Variants in HS6ST2 observed in about 807,000 individuals in gnomAD.
HS6ST2 encodes heparan sulfate 6-O-sulfotransferase 2, also known as heparan-sulfate 6-O-sulfotransferase 2.
HS6ST2 carries 17 observed loss-of-function variants against 33.0 expected under a neutral mutation model. That is an observed-to-expected ratio of 0.52 (90% CI 0.35 to 0.77). The LOEUF (loss-of-function observed/expected upper bound fraction) is 0.77. Ranked by LOEUF, HS6ST2 falls within the 30% of genes least tolerant of loss-of-function variation. The pLI is 0.01. For missense variants in HS6ST2, 519 were observed against 551.7 expected (o/e 0.94, Z 0.59); for synonymous variants, 248 against 237.1 (o/e 1.05, Z -0.42).
At chrX:132,744,469 A>T (rs1285313380) in intron 2 of HS6ST2, among the ~76,000 whole-genome samples, 1 of 112,128 alleles carries the variant, frequency 8.9e-6, no homozygotes, top group Non-Finnish European at 1.9e-5. Flanking sequence ...TTTTACTCAA[A>T]TGTGGTTCCA....
At position 132,790,920 on chromosome X, in the gene HS6ST2, T is replaced by C. The variant is rs762797134; in HGVS notation, c.948-82426A>G. 2.0e-3 allele frequency among the ~76,000 whole-genome samples: 219 copies of C among 111,295 alleles called. 3 individuals are homozygous for C. The highest frequency in any genetic ancestry group is 6.8e-3 in the African/African-American group (207 of 30,647). On this transcript the variant is annotated intron_variant, in intron 2 of 4. Coordinates refer to ENST00000370833, the MANE Select transcript of HS6ST2 (RefSeq NM_001394073.1). ...ACTTTGGGAAGCCGGGGTGGGAAAA[T>C]GACTTGAGGCCAGAAGTTCAAGACC... is the stretch of plus-strand genomic sequence containing the variant.
At chrX:132,715,625 C>T (rs1293428715) in intron 2 of HS6ST2, among the ~76,000 whole-genome samples, 4 of 111,454 alleles carry the variant, frequency 3.6e-5, no homozygotes, top group Non-Finnish European at 5.6e-5. Flanking sequence ...TCCATTTGTC[C>T]CTTTACTTGA....
chrX:132,742,868 A>G (rs2064594323), intron 2 of HS6ST2, among the ~76,000 whole-genome samples: 1 of 112,251 alleles, frequency 8.9e-6, no homozygotes, highest in Admixed American at 9.5e-5. Context: ...AGCCTTATAG[A>G]GTCCTGTCTA....
chrX:132,885,757 A>G (rs1226094631), intron 2 of HS6ST2, among the ~76,000 whole-genome samples: 1 of 111,682 alleles, frequency 9.0e-6, no homozygotes, highest in Non-Finnish European at 1.9e-5. Context: ...GCCTCTGTAC[A>G]CTAAACTACA....
intron 2 of HS6ST2, among the ~76,000 whole-genome samples, chrX:132,830,144 T>C (rs2035437829): frequency 8.9e-6 from 1 of 111,909 alleles, no homozygotes; most frequent in Non-Finnish European, 1.9e-5. Flanking sequence ...CTGCATCAGG[T>C]AATTGGTATC....
At chrX:132,922,628 A>C (rs1460549034) in intron 2 of HS6ST2, among the ~76,000 whole-genome samples, 1 of 112,130 alleles carries the variant, frequency 8.9e-6, no homozygotes, top group Non-Finnish European at 1.9e-5. Flanking sequence ...AGGTCTTGAG[A>C]CCATGTGCCC....
intron 2 of HS6ST2, among the ~76,000 whole-genome samples, chrX:132,718,890 T>C (rs947370908): frequency 9.0e-6 from 1 of 110,943 alleles, no homozygotes; most frequent in African/African-American, 3.3e-5. Context: ...TCTCTCTCTT[T>C]GAAGCAGTGG....
intron 2 of HS6ST2, among the ~76,000 whole-genome samples, chrX:132,874,175 T>C (rs1459338763): frequency 1.8e-5 from 2 of 111,982 alleles, no homozygotes; most frequent in Non-Finnish European, 3.8e-5. Flanking sequence ...TAGACAAACA[T>C]GTGATCCATA....
At chrX:132,673,293 G>A (rs1041842548) in intron 3 of HS6ST2, among the ~76,000 whole-genome samples, 1 of 112,319 alleles carries the variant, frequency 8.9e-6, no homozygotes, top group African/African-American at 3.2e-5. Flanking sequence ...CTGCATTTGG[G>A]CTCAATGGAA....
intron 2 of HS6ST2, among the ~76,000 whole-genome samples, chrX:132,813,207 T>A (rs1441789991): frequency 9.0e-6 from 1 of 111,635 alleles, no homozygotes; most frequent in East Asian, 2.8e-4. Flanking sequence ...AATTACTAAA[T>A]TACTTAATTA....
intron 2 of HS6ST2, among the ~76,000 whole-genome samples, chrX:132,785,619 T>C (rs991018057): frequency 9.0e-6 from 1 of 111,676 alleles, no homozygotes; most frequent in East Asian, 2.8e-4. Context: ...GATCGCTGAA[T>C]TGAATTGAAG....
chrX:132,717,530 A>C (rs1569483493), intron 2 of HS6ST2, among the ~76,000 whole-genome samples: 1 of 112,517 alleles, frequency 8.9e-6, no homozygotes, highest in African/African-American at 3.2e-5. Context: ...AGATGTTTCC[A>C]AAGATCTGAG....
At chrX:132,943,174 G>C (rs1018270135) in intron 2 of HS6ST2, among the ~76,000 whole-genome samples, 1 of 111,632 alleles carries the variant, frequency 9.0e-6, no homozygotes, top group African/African-American at 3.3e-5. Context: ...TTGGATCTTG[G>C]TATCTCCAGA....
At chrX:132,704,413 G>T (rs1025261714) in intron 3 of HS6ST2, among the ~76,000 whole-genome samples, 2 of 111,052 alleles carry the variant, frequency 1.8e-5, no homozygotes, top group Non-Finnish European at 3.8e-5. Flanking sequence ...AATTAGCCAG[G>T]TGTGGTGGCA....
intron 3 of HS6ST2, among the ~76,000 whole-genome samples, chrX:132,692,464 A>G (rs186635402): frequency 2.0e-3 from 224 of 110,813 alleles, no homozygotes; most frequent in African/African-American, 7.1e-3. Context: ...CCCCTGCTTG[A>G]CAACCGTACG....
chrX:132,932,358 A>G (rs911208302), intron 2 of HS6ST2, among the ~76,000 whole-genome samples: 1 of 111,597 alleles, frequency 9.0e-6, no homozygotes, highest in African/African-American at 3.3e-5. Flanking sequence ...AATATCAGGG[A>G]AAGACCCAAA....
intron 2 of HS6ST2, among the ~76,000 whole-genome samples, chrX:132,843,308 T>C (rs1309781753): frequency 2.7e-5 from 3 of 112,296 alleles, no homozygotes; most frequent in African/African-American, 9.7e-5. Flanking sequence ...TGTGTGAACA[T>C]TGTTAAGTAT....
chrX:132,849,211 G>C (rs1331732848), intron 2 of HS6ST2, among the ~76,000 whole-genome samples: 1 of 110,882 alleles, frequency 9.0e-6, no homozygotes, highest in African/African-American at 3.3e-5. Flanking sequence ...TATTCCTTTA[G>C]GCAACACAGC....
intron 2 of HS6ST2, among the ~76,000 whole-genome samples, chrX:132,807,756 G>C (rs2065299678): frequency 8.9e-6 from 1 of 112,116 alleles, no homozygotes; most frequent in African/African-American, 3.2e-5. Context: ...CACTGCGAAA[G>C]GACGCTAAGG....
Sources: gnomAD v4.1 joint callset for allele counts (sites outside exome capture counted in the v4.1 genomes callset) on GRCh38, gnomAD v4.1.1 for gene constraint, MANE v1.5 for transcripts, NCBI Gene and HGNC (gene_info 2026-07-23, HGNC 2026-07-21) for gene names.